KCNH5: variants seen among roughly 807,000 people sequenced by gnomAD.
The protein encoded by KCNH5 is voltage-gated delayed rectifier potassium channel KCNH5.
A neutral mutation model predicts 96.1 loss-of-function variants in KCNH5; 46 were observed. That is an observed-to-expected ratio of 0.48 (90% CI 0.38 to 0.61). KCNH5 has a LOEUF of 0.61. Among genes scored for constraint, KCNH5 ranks in the 20% least tolerant of loss-of-function variants. The pLI, the probability that KCNH5 is intolerant of heterozygous loss-of-function variation, is 0.00. For synonymous variants in KCNH5, 439 were observed against 449.8 expected, an observed-to-expected ratio of 0.98 and a Z score of 0.30; for missense variants, 907 against 1,225.8, an observed-to-expected ratio of 0.74 and a Z score of 3.88.
chr14:63,032,203 G>C (rs1161953816), intron 1 of KCNH5, among the ~76,000 whole-genome samples: 8 of 151,926 alleles, frequency 5.3e-5, no homozygotes, highest in African/African-American at 1.9e-4. Flanking sequence ...TATTCATGTA[G>C]TTCTAACTTT....
chr14:62,950,567 T>TAAA lies in KCNH5; in HGVS notation c.943-11_943-9dup. On this transcript the variant is annotated splice_polypyrimidine_tract_variant and intron_variant, in intron 6 of 10. Transcript: ENST00000322893. The stretch of plus-strand genomic sequence containing the variant: ...GAAGAGACTGCTGATTCCCTGGATT[T>TAAA]AAAAAAAAAAAAAAAATTACACCAC... 22 of 1,371,326 alleles carry TAAA rather than the reference T, an allele frequency of 1.6e-5. No homozygotes were observed. Among genetic ancestry groups the TAAA allele is most frequent in the South Asian group, 6.1e-5 (4 of 65,572 alleles). 84.9% of individuals were successfully genotyped at this position (1,371,326 alleles called of 1,614,324 possible). A position where few individuals can be genotyped will look rare whatever the true frequency, so the allele number is the denominator to read the frequency against.
At chr14:62,947,037 G>A (rs1181838881) in intron 7 of KCNH5, among the ~76,000 whole-genome samples, 2 of 151,986 alleles carry the variant, frequency 1.3e-5, no homozygotes, top group African/African-American at 2.4e-5. Context: ...ACAATACAGA[G>A]CTATACACAC....
At chr14:62,837,974 T>C (rs1442575735) in intron 8 of KCNH5, among the ~76,000 whole-genome samples, 1 of 152,152 alleles carries the variant, frequency 6.6e-6, no homozygotes, top group Non-Finnish European at 1.5e-5. Flanking sequence ...GTGACTGGTT[T>C]TCCCTAGGCA....
chr14:62,748,414 A>G (rs1885424745), intron 10 of KCNH5, among the ~76,000 whole-genome samples: 1 of 152,204 alleles, frequency 6.6e-6, no homozygotes, highest in African/African-American at 2.4e-5. Context: ...TTTAGTAAAC[A>G]TTATTAATTT....
intron 7 of KCNH5, among the ~76,000 whole-genome samples, chr14:62,947,278 C>CA (rs1889907307): frequency 6.6e-6 from 1 of 152,122 alleles, no homozygotes; most frequent in East Asian, 1.9e-4. Flanking sequence ...CAGCCTCTGA[C>CA]AAAATGTTGT....
chr14:62,875,685 T>A (rs1009124397), intron 7 of KCNH5, among the ~76,000 whole-genome samples: 6 of 152,106 alleles, frequency 3.9e-5, no homozygotes, highest in African/African-American at 1.4e-4. Context: ...CATTCCTGGG[T>A]ATATACCCAA....
intron 9 of KCNH5, among the ~76,000 whole-genome samples, chr14:62,781,673 G>C (rs976664431): frequency 3.9e-5 from 6 of 152,232 alleles, no homozygotes; most frequent in Non-Finnish European, 8.8e-5. Context: ...CTATGGCTCT[G>C]TTCCGCCGGG....
chr14:62,750,210 G>C (rs958385785), intron 10 of KCNH5, among the ~76,000 whole-genome samples: 3 of 152,186 alleles, frequency 2.0e-5, no homozygotes, highest in Non-Finnish European at 2.9e-5. Flanking sequence ...ACAGGCCCTA[G>C]TTACCGGCTT....
Position 62,776,994 on chromosome 14 carries a change from CA to C in KCNH5, c.2019+2733del, listed in dbSNP as rs1886111382. Among the ~76,000 whole-genome samples the C allele has an allele frequency of 2.0e-5, 3 of 152,316 alleles. No individual in the cohort carries two copies. The South Asian group carries it at 6.2e-4, about 32-fold the overall frequency. ...AACCTGCTCCCTTACTTAGTAGGAA[CA>C]CACCCTTAACCAATGGCTATGATAG... On this transcript the variant is annotated intron_variant, in intron 10 of 10. Coordinates refer to ENST00000322893, the MANE Select transcript of KCNH5 (RefSeq NM_139318.5).
chr14:62,972,394 G>A (rs1257531356), intron 6 of KCNH5, among the ~76,000 whole-genome samples: 3 of 152,168 alleles, frequency 2.0e-5, no homozygotes, highest in Non-Finnish European at 2.9e-5. Context: ...CTCATTCATC[G>A]CTGATGGGAA....
At chr14:62,827,296 T>C (rs1046676619) in intron 8 of KCNH5, among the ~76,000 whole-genome samples, 15 of 152,188 alleles carry the variant, frequency 9.9e-5, no homozygotes, top group African/African-American at 3.4e-4. Context: ...CAAAGTACGG[T>C]TTGTGAGCCA....
intron 8 of KCNH5, among the ~76,000 whole-genome samples, chr14:62,844,132 T>C (rs549397703): frequency 2.4e-4 from 37 of 152,292 alleles, no homozygotes; most frequent in African/African-American, 7.7e-4. Flanking sequence ...GGACATTTCA[T>C]ATAATAGCAT....
chr14:62,962,736 G>A (rs1890236097), intron 6 of KCNH5, among the ~76,000 whole-genome samples: 1 of 152,136 alleles, frequency 6.6e-6, no homozygotes, highest in Non-Finnish European at 1.5e-5. Context: ...TATGGAATAT[G>A]ATCCACAGAT....
At chr14:62,812,972 T>G (rs1490027) in intron 8 of KCNH5, among the ~76,000 whole-genome samples, 46,544 of 151,984 alleles carry the variant, frequency 0.31, 7,776 homozygotes, top group South Asian at 0.55. Flanking sequence ...AATTTAACCA[T>G]TACATTATAA....
chr14:62,728,447 C>T (rs1315309170), intron 10 of KCNH5, among the ~76,000 whole-genome samples: 1 of 151,152 alleles, frequency 6.6e-6, no homozygotes, highest in African/African-American at 2.4e-5. Context: ...ACCTCAGAGG[C>T]TATGTTCTGG....
intron 10 of KCNH5, among the ~76,000 whole-genome samples, chr14:62,779,093 C>T (rs1459602481): frequency 2.0e-5 from 3 of 152,300 alleles, no homozygotes; most frequent in South Asian, 2.1e-4. Flanking sequence ...AAGCCTTACC[C>T]AATGCCCAAT....
chr14:63,017,511 C>T (rs1249690058), intron 1 of KCNH5, among the ~76,000 whole-genome samples: 1 of 151,592 alleles, frequency 6.6e-6, no homozygotes, highest in Non-Finnish European at 1.5e-5. Flanking sequence ...ATATTTTCAA[C>T]CACATAATAC....
At chr14:62,869,893 T>C (rs1433742155) in intron 7 of KCNH5, among the ~76,000 whole-genome samples, 1 of 152,198 alleles carries the variant, frequency 6.6e-6, no homozygotes, top group Admixed American at 6.5e-5. Context: ...TGGCTAGCCA[T>C]ATGCAGAAAA....
intron 10 of KCNH5, among the ~76,000 whole-genome samples, chr14:62,709,249 A>C (rs1884517910): frequency 6.6e-6 from 1 of 150,490 alleles, no homozygotes. Context: ...AAAAAAAAAA[A>C]AAAAAAAAAA....
Sources: allele counts gnomAD v4.1 joint callset (sites outside exome capture counted in the v4.1 genomes callset), GRCh38; gene constraint gnomAD v4.1.1; transcripts MANE v1.5; gene names NCBI Gene and HGNC (gene_info 2026-07-23, HGNC 2026-07-21).